Variants in BMP6 observed in about 807,000 individuals in gnomAD.
BMP6 encodes VG-1-R.
BMP6 carries 17 observed loss-of-function variants against 54.1 expected under a neutral mutation model. The ratio of observed to expected loss-of-function variants is 0.31; its 90% confidence interval spans 0.22 to 0.47. BMP6 has a LOEUF of 0.47. Among genes scored for constraint, BMP6 ranks in the 20% least tolerant of loss-of-function variants. The probability of loss-of-function intolerance (pLI) is 1.00; values close to 1 mark genes in which losing one functional copy is unlikely to be tolerated. For missense variants in BMP6, 720 were observed against 690.4 expected (o/e 1.04, Z -0.48); for synonymous variants, 328 against 291.2 (o/e 1.13, Z -1.28).
Position 7,830,598 on chromosome 6 carries a change from A to T in BMP6, c.665-14542A>T, listed in dbSNP as rs367941641. 1.1e-4 allele frequency among the ~76,000 whole-genome samples: 17 copies of T among 152,356 alleles called. 1 individual carries two copies. The East Asian group carries it at 2.9e-3, about 26-fold the overall frequency. ...ATTAGTCCATTTTCAAATTGCTGTG[A>T]AGAAATACCCAAGGCTGGATAATTT... is the stretch of plus-strand genomic sequence containing the variant. On this transcript the variant is annotated intron_variant, in intron 1 of 6. Transcript: ENST00000283147.
At chr6:7,851,004 C>T (rs1308207037) in intron 2 of BMP6, among the ~76,000 whole-genome samples, 1 of 152,158 alleles carries the variant, frequency 6.6e-6, no homozygotes, top group African/African-American at 2.4e-5. Context: ...TGCACCAATA[C>T]TCCACTGTCT....
At chr6:7,861,221 C>T (rs1759328578) in intron 2 of BMP6, among the ~76,000 whole-genome samples, 1 of 151,998 alleles carries the variant, frequency 6.6e-6, no homozygotes, top group Non-Finnish European at 1.5e-5. Context: ...GGGGTGAAAG[C>T]TGATTTCTAT....
chr6:7,758,524 A>C (rs1757560942), intron 1 of BMP6, among the ~76,000 whole-genome samples: 1 of 152,190 alleles, frequency 6.6e-6, no homozygotes. Context: ...TACGGTTTGC[A>C]ACCAAGCCTA....
intron 1 of BMP6, among the ~76,000 whole-genome samples, chr6:7,759,696 CTTT>C (rs71542880): frequency 6.6e-4 from 41 of 62,150 alleles, no homozygotes; most frequent in African/African-American, 3.5e-3. Flanking sequence ...CTTTCTTCTT[CTTT>C]TTTTTTTTTT....
rs35572440 is a variant in BMP6 at position 7,790,514 on chromosome 6, C to CAAAA, written c.665-54597_665-54594dup. ...AGGGTGACACAGTGAGACCCTGTCTCAAAAAAAAAAAAAAAAAAAAAAAAA... is the reference window on the plus strand; with the variant it reads ...AGGGTGACACAGTGAGACCCTGTCTCAAAAAAAAAAAAAAAAAAAAAAAAAAAAA... On this transcript the variant is annotated intron_variant, in intron 1 of 6. Coordinates refer to ENST00000283147, the MANE Select transcript of BMP6 (RefSeq NM_001718.6). Among the ~76,000 whole-genome samples the CAAAA allele has an allele frequency of 2.2e-3, 162 of 73,486 alleles. 3 individuals carry two copies. Among genetic ancestry groups the CAAAA allele is most frequent in the African/African-American group, 3.4e-3 (49 of 14,462 alleles). 48.2% of individuals were successfully genotyped at this position (73,486 alleles called of 152,430 possible).
intron 1 of BMP6, among the ~76,000 whole-genome samples, chr6:7,828,902 G>A (rs1758744685): frequency 1.3e-5 from 2 of 152,188 alleles, no homozygotes; most frequent in Non-Finnish European, 2.9e-5. Flanking sequence ...CCCATCACGC[G>A]GACCAGAGGT....
intron 1 of BMP6, among the ~76,000 whole-genome samples, chr6:7,811,329 C>T (rs567253896): frequency 2.1e-4 from 32 of 152,150 alleles, no homozygotes; most frequent in Non-Finnish European, 4.3e-4. Flanking sequence ...CTCCTAGGTG[C>T]ACGGCTTCCC....
chr6:7,762,070 C>T (rs150780421), intron 1 of BMP6, among the ~76,000 whole-genome samples: 75 of 152,088 alleles, frequency 4.9e-4, no homozygotes, highest in African/African-American at 1.7e-3. Context: ...TACAGGCGCC[C>T]GCCACCATGT....
At chr6:7,761,989 T>C (rs1314066029) in intron 1 of BMP6, among the ~76,000 whole-genome samples, 2 of 152,084 alleles carry the variant, frequency 1.3e-5, no homozygotes, top group Non-Finnish European at 2.9e-5. Context: ...TGGCGTGATC[T>C]CAGCTCACTG....
intron 1 of BMP6, among the ~76,000 whole-genome samples, chr6:7,767,017 C>T (rs142741949): frequency 0.012 from 1,774 of 146,036 alleles, 29 homozygotes; most frequent in African/African-American, 0.03. Flanking sequence ...GACGGAGTCT[C>T]GCTCTGTCAC....
At chr6:7,730,721 C>A (rs1320367906) in intron 1 of BMP6, among the ~76,000 whole-genome samples, 1 of 152,190 alleles carries the variant, frequency 6.6e-6, no homozygotes, top group Non-Finnish European at 1.5e-5. Context: ...ATGTTGGATT[C>A]TCTATATAGG....
At chr6:7,848,865 TA>T (rs949670285) in intron 2 of BMP6, among the ~76,000 whole-genome samples, 5 of 152,216 alleles carry the variant, frequency 3.3e-5, no homozygotes, top group South Asian at 2.1e-4. Flanking sequence ...ATGATGCAGG[TA>T]AAAAAAATTG....
At chr6:7,752,551 C>G (rs1018106886) in intron 1 of BMP6, among the ~76,000 whole-genome samples, 9 of 142,814 alleles carry the variant, frequency 6.3e-5, no homozygotes, top group Admixed American at 2.1e-4. Context: ...TTATGGAGTT[C>G]AACATAGGTT....
intron 1 of BMP6, among the ~76,000 whole-genome samples, chr6:7,784,648 A>G (rs1757996515): frequency 6.6e-6 from 1 of 152,204 alleles, no homozygotes; most frequent in Non-Finnish European, 1.5e-5. Context: ...AACTCCTTTG[A>G]ACTTTAAATG....
chr6:7,859,789 G>T (rs949095828), intron 2 of BMP6, among the ~76,000 whole-genome samples: 4 of 152,150 alleles, frequency 2.6e-5, no homozygotes, highest in African/African-American at 9.7e-5. Flanking sequence ...GGGCAGGCCA[G>T]AATGTGGCCT....
intron 1 of BMP6, among the ~76,000 whole-genome samples, chr6:7,785,466 A>G (rs1758006925): frequency 6.6e-6 from 1 of 152,200 alleles, no homozygotes. Flanking sequence ...ATAGGATTTA[A>G]TGTCAAGCCT....
chr6:7,843,470 C>A (rs551289613), intron 1 of BMP6, among the ~76,000 whole-genome samples: 40 of 145,932 alleles, frequency 2.7e-4, no homozygotes, highest in African/African-American at 9.9e-4. Context: ...GAAGCTAAAT[C>A]TCCAAAGCTT....
At chr6:7,751,438 T>G (rs1757423913) in intron 1 of BMP6, among the ~76,000 whole-genome samples, 1 of 152,238 alleles carries the variant, frequency 6.6e-6, no homozygotes, top group African/African-American at 2.4e-5. Flanking sequence ...GATATCTTTT[T>G]AAGCCTTACT....
At chr6:7,874,471 C>G (rs565089477) in intron 4 of BMP6, among the ~76,000 whole-genome samples, 1 of 152,140 alleles carries the variant, frequency 6.6e-6, no homozygotes, top group Non-Finnish European at 1.5e-5. Context: ...AACAGAAAGA[C>G]AAGGCCAGGC....
Sources: allele counts gnomAD v4.1 joint callset (sites outside exome capture counted in the v4.1 genomes callset), GRCh38; gene constraint gnomAD v4.1.1; transcripts MANE v1.5; gene names NCBI Gene and HGNC (gene_info 2026-07-23, HGNC 2026-07-21).